EYA2: variants seen among roughly 807,000 people sequenced by gnomAD.
EYA2 encodes protein phosphatase EYA2.
A neutral mutation model predicts 69.2 loss-of-function variants in EYA2; 31 were observed. The ratio of observed to expected loss-of-function variants is 0.45; its 90% CI spans 0.34 to 0.60. The LOEUF (loss-of-function observed/expected upper bound fraction) is 0.60, where lower values mean the gene tolerates loss of function less well. Among genes scored for constraint, EYA2 ranks in the 20% least tolerant of loss-of-function variants. The pLI, the probability that EYA2 is intolerant of heterozygous loss-of-function variation, is 0.02. For missense variants in EYA2, 622 were observed against 701.2 expected, an observed-to-expected ratio of 0.89 and a Z score of 1.28; for synonymous variants, 257 against 279.4, an observed-to-expected ratio of 0.92 and a Z score of 0.80.
At chr20:47,066,750 TGA>T (rs1304981797) in intron 5 of EYA2, among the ~76,000 whole-genome samples, 5 of 152,210 alleles carry the variant, frequency 3.3e-5, no homozygotes, top group Admixed American at 2.6e-4. Context: ...TCTATTAATA[TGA>T]GAGAGAAGGG....
chr20:46,961,163 C>T (rs1349200795), intron 1 of EYA2, among the ~76,000 whole-genome samples: 1 of 152,088 alleles, frequency 6.6e-6, no homozygotes, highest in Non-Finnish European at 1.5e-5. Flanking sequence ...AGTGAAACCC[C>T]GTCTCTACTA....
chr20:47,015,808 A>G (rs1983373604), intron 4 of EYA2, among the ~76,000 whole-genome samples: 1 of 152,216 alleles, frequency 6.6e-6, no homozygotes, highest in Non-Finnish European at 1.5e-5. Flanking sequence ...AGTCCTGCAG[A>G]TGGAATGGAA....
chr20:47,090,922 A>G (rs1177316814), intron 8 of EYA2, among the ~76,000 whole-genome samples: 1 of 152,102 alleles, frequency 6.6e-6, no homozygotes, highest in African/African-American at 2.4e-5. Flanking sequence ...AAGGGAGGAA[A>G]ATGAGCAAAC....
chr20:47,149,422 C>A (rs1006303632), intron 10 of EYA2, among the ~76,000 whole-genome samples: 2 of 152,038 alleles, frequency 1.3e-5, no homozygotes, highest in African/African-American at 4.8e-5. Context: ...ACATCCATGG[C>A]GTTTGGTGGC....
At chr20:47,044,705 T>C (rs1287763719) in intron 5 of EYA2, among the ~76,000 whole-genome samples, 5 of 152,196 alleles carry the variant, frequency 3.3e-5, no homozygotes, top group Non-Finnish European at 7.3e-5. Context: ...TAACATTCTC[T>C]CATTTCATCT....
chr20:47,047,267 A>C (rs2030088608), intron 5 of EYA2, among the ~76,000 whole-genome samples: 1 of 152,132 alleles, frequency 6.6e-6, no homozygotes, highest in South Asian at 2.1e-4. Flanking sequence ...GGATGATCTG[A>C]GACTCCTAGG....
chr20:46,947,238 T>G (rs1231467185), intron 1 of EYA2, among the ~76,000 whole-genome samples: 2 of 152,136 alleles, frequency 1.3e-5, no homozygotes, highest in African/African-American at 4.8e-5. Flanking sequence ...TCTCCCAGGT[T>G]CTCTTGTCTA....
intron 1 of EYA2, among the ~76,000 whole-genome samples, chr20:46,972,350 C>T (rs1005811273): frequency 2.0e-5 from 3 of 152,140 alleles, no homozygotes; most frequent in African/African-American, 7.2e-5. Context: ...GTCATTATGA[C>T]CAAAAGGTAG....
intron 1 of EYA2, among the ~76,000 whole-genome samples, chr20:46,989,201 T>C (rs1981486546): frequency 6.6e-6 from 1 of 152,182 alleles, no homozygotes; most frequent in African/African-American, 2.4e-5. Context: ...CTGTTGAGTG[T>C]TGCCACCTAG....
At chr20:46,973,432 C>T (rs1980259904) in intron 1 of EYA2, among the ~76,000 whole-genome samples, 1 of 152,188 alleles carries the variant, frequency 6.6e-6, no homozygotes, top group South Asian at 2.1e-4. Flanking sequence ...ACAATCCACC[C>T]TTACAAAGGC....
chr20:46,995,960 G>A (rs1981991160), intron 2 of EYA2, among the ~76,000 whole-genome samples: 1 of 152,200 alleles, frequency 6.6e-6, no homozygotes. Context: ...AGAGGGAAGA[G>A]GTGAAGGACA....
At chr20:47,110,136 A>T (rs370081908) in intron 9 of EYA2, among the ~76,000 whole-genome samples, 2 of 152,068 alleles carry the variant, frequency 1.3e-5, no homozygotes, top group African/African-American at 4.8e-5. Context: ...CTCCCTTTAT[A>T]CTCATTTCCA....
At chr20:47,019,401 T>G (rs2050461288) in intron 5 of EYA2, among the ~76,000 whole-genome samples, 1 of 152,206 alleles carries the variant, frequency 6.6e-6, no homozygotes, top group African/African-American at 2.4e-5. Flanking sequence ...GCCTGACATA[T>G]TCCTCCTTAA....
At chr20:47,145,401 C>T (rs908080920) in intron 10 of EYA2, among the ~76,000 whole-genome samples, 1 of 152,086 alleles carries the variant, frequency 6.6e-6, no homozygotes, top group Non-Finnish European at 1.5e-5. Flanking sequence ...AGAGAGAAGG[C>T]ATGGAGGCCG....
At chr20:47,088,491 C>A (rs1439526773) in intron 7 of EYA2, among the ~76,000 whole-genome samples, 1 of 152,116 alleles carries the variant, frequency 6.6e-6, no homozygotes, top group East Asian at 1.9e-4. Flanking sequence ...TCCAGTGGCC[C>A]CTCCCTCACT....
intron 9 of EYA2, among the ~76,000 whole-genome samples, chr20:47,113,410 A>G (rs2032806121): frequency 6.6e-6 from 1 of 152,138 alleles, no homozygotes. Context: ...ACCTGTGCCC[A>G]CCTCTCAGCT....
intron 2 of EYA2, among the ~76,000 whole-genome samples, chr20:46,994,911 T>TG (rs1043244943): frequency 1.3e-5 from 2 of 151,610 alleles, no homozygotes; most frequent in African/African-American, 4.8e-5. Context: ...TGTTCTTTTT[T>TG]TTTTTTGAGA....
At chr20:47,041,638 A>T (rs1985074311) in intron 5 of EYA2, among the ~76,000 whole-genome samples, 1 of 152,110 alleles carries the variant, frequency 6.6e-6, no homozygotes, top group Non-Finnish European at 1.5e-5. Flanking sequence ...GCCACTGGCA[A>T]ATTTCATTCA....
intron 9 of EYA2, among the ~76,000 whole-genome samples, chr20:47,118,146 A>G (rs2146552585): frequency 6.6e-6 from 1 of 152,392 alleles, no homozygotes; most frequent in Non-Finnish European, 1.5e-5. Flanking sequence ...GGATTAAGTC[A>G]AGATGAATAC....
Sources: gnomAD v4.1 joint callset for allele counts (sites outside exome capture counted in the v4.1 genomes callset) on GRCh38, gnomAD v4.1.1 for gene constraint, MANE v1.5 for transcripts, NCBI Gene and HGNC (gene_info 2026-07-23, HGNC 2026-07-21) for gene names.